Variants in GVQW3 observed in about 807,000 individuals in gnomAD.
GVQW3 encodes protein GVQW3.
A neutral mutation model predicts 12.5 loss-of-function variants in GVQW3; 7 were observed. The observed-to-expected ratio is 0.56, with a 90% CI of 0.32 to 1.05. The LOEUF is 1.05. Among genes scored for constraint, GVQW3 ranks in the 50% least tolerant of loss-of-function variants. The probability of loss-of-function intolerance (pLI) is 0.04; values close to 1 mark genes in which losing one functional copy is unlikely to be tolerated. For missense variants in GVQW3, 188 were observed against 190.8 expected (o/e 0.99, Z 0.09); for synonymous variants, 71 against 67.2 (o/e 1.06, Z -0.28).
chr11:76,399,290 T>A (rs61892857), intron 1 of GVQW3, among the ~76,000 whole-genome samples: 4,045 of 151,960 alleles, frequency 0.027, 83 homozygotes, highest in East Asian at 0.079. Flanking sequence ...CAGGCGTGCA[T>A]CACCCAATGC....
Position 76,382,179 on chromosome 11 carries a change from T to A in GVQW3, c.351T>A (p.Ile117=), listed in dbSNP as rs201664738. Residue 117 remains isoleucine, a synonymous_variant, in exon 1 of 2, where the codon ATT becomes ATA. Coordinates refer to ENST00000529331, the MANE Select transcript of GVQW3 (RefSeq NM_001347885.2). The stretch of plus-strand genomic sequence containing the variant: ...AAGAAAACTTGAACATGAGGAAGAT[T>A]TCTGCAAAAGTTATTTCGGGTGTTT... The part of the protein sequence containing the change: ...ILKENLNMRK[I]SAKVISGVLK... 8.5e-6 allele frequency: 13 copies of A among 1,536,084 alleles called. No individual in the cohort carries two copies. The highest frequency in any genetic ancestry group is 5.9e-5 in the Admixed American group (3 of 50,980).
In GVQW3 at chr11:76,403,706, C is replaced by A; in HGVS notation, c.512C>A (p.Ser171Tyr). The A allele has an allele frequency of 2.1e-6, 1 of 485,278 alleles. No individual in the cohort carries two copies. The highest frequency in any genetic ancestry group is 3.5e-5 in the South Asian group (1 of 28,364). 30.1% of individuals were successfully genotyped at this position (485,278 alleles called of 1,614,324 possible). ...MLPRLVSNSL[S>Y]QGILPPWPPK... Reference sequence around the variant, plus strand: ...CCCAGGCTGGTCTCGAACTCCTTGTCTCAAGGGATCCTCCCACCTTGGCCT... The same window carrying A: ...CCCAGGCTGGTCTCGAACTCCTTGTATCAAGGGATCCTCCCACCTTGGCCT... The change falls in exon 2 of 2, where the codon TCT becomes TAT. Residue 171 changes from serine (S) to tyrosine (Y), a missense_variant. Transcript: ENST00000529331.
At chr11:76,382,357 G>A in intron 1 of GVQW3, 64 bp downstream of exon 1, 1 of 1,054,120 alleles carries the variant, frequency 9.5e-7, no homozygotes, top group Non-Finnish European at 1.4e-6. Context: ...GCCCCTGCCG[G>A]TATCCCATCC....
chr11:76,385,263 A>G (rs1028449987), intron 1 of GVQW3, among the ~76,000 whole-genome samples: 2 of 152,182 alleles, frequency 1.3e-5, no homozygotes, highest in African/African-American at 4.8e-5. Flanking sequence ...TTCTAAACCC[A>G]AGGGTAGAGC....
At chr11:76,413,757 C>G (rs1201392914) in exon 2 of GVQW3, 2 of 152,136 alleles carry the variant, frequency 1.3e-5, no homozygotes, top group African/African-American at 2.4e-5. Context: ...TTATTATTCA[C>G]TGGGTGAATT....
chr11:76,388,682 T>C (rs1946861084), intron 1 of GVQW3, among the ~76,000 whole-genome samples: 1 of 151,964 alleles, frequency 6.6e-6, no homozygotes, highest in African/African-American at 2.4e-5. Context: ...GAAATCTAAT[T>C]ATATTACTCT....
chr11:76,382,126 G>A lies in GVQW3; in HGVS notation c.298G>A (p.Asp100Asn). ...VRMMAEELNL[D>N]KETVRLILKE... ...GATGATGGCTGAAGAGTTAAATTTA[G>A]ACAAAGAAACTGTTAGGCTCATTTT... The change falls in exon 1 of 2, where the codon GAC (aspartate) becomes AAC (asparagine). Residue 100 changes from aspartate to asparagine, a missense_variant. Transcript: ENST00000529331. 2.6e-6 allele frequency: 4 copies of A among 1,536,434 alleles called. No individual in the cohort carries two copies. The highest frequency in any genetic ancestry group is 3.5e-6 in the Non-Finnish European group (4 of 1,146,978).
At chr11:76,386,492 G>C (rs1044275825) in intron 1 of GVQW3, among the ~76,000 whole-genome samples, 1 of 152,122 alleles carries the variant, frequency 6.6e-6, no homozygotes, top group Admixed American at 6.6e-5. Flanking sequence ...GATAAATCTG[G>C]ATGCTAAATG....
At chr11:76,398,782 C>T (rs928833503) in intron 1 of GVQW3, among the ~76,000 whole-genome samples, 7 of 152,220 alleles carry the variant, frequency 4.6e-5, no homozygotes, top group East Asian at 3.9e-4. Flanking sequence ...TTCTTATAGA[C>T]GTATATCTAT....
intron 1 of GVQW3, among the ~76,000 whole-genome samples, chr11:76,393,355 C>G (rs1946910744): frequency 6.6e-6 from 1 of 152,184 alleles, no homozygotes; most frequent in African/African-American, 2.4e-5. Flanking sequence ...TTGACCCTGA[C>G]ATCCTGGCAG....
intron 1 of GVQW3, among the ~76,000 whole-genome samples, chr11:76,385,022 A>C (rs1349269179): frequency 2.6e-5 from 4 of 152,146 alleles, no homozygotes; most frequent in Admixed American, 2.6e-4. Flanking sequence ...GAGACAACTT[A>C]CTTCTGGATT....
In GVQW3 at chr11:76,381,741, T is replaced by C; in HGVS notation, c.-88T>C. On this transcript the variant is annotated 5_prime_UTR_variant, in exon 1 of 2. Transcript: ENST00000529331. Reference sequence around the variant, plus strand: ...AGAAGAGCAAGAAGAGCGATATGATTACACCTGCAGCCCTATAAAGATTGA... The same window carrying C: ...AGAAGAGCAAGAAGAGCGATATGATCACACCTGCAGCCCTATAAAGATTGA... 1 of 1,195,298 alleles carries C rather than the reference T, an allele frequency of 8.4e-7. No individual in the cohort carries two copies. Among genetic ancestry groups the C allele is most frequent in the Non-Finnish European group, 1.1e-6 (1 of 881,152 alleles). The allele number at this position is 1,195,298 out of a possible 1,614,324, so 74.0% of individuals were successfully genotyped here.
intron 1 of GVQW3, chr11:76,382,543 G>A: frequency 3.3e-6 from 2 of 603,956 alleles, no homozygotes; most frequent in Non-Finnish European, 5.9e-6. Flanking sequence ...GTATTTTTCA[G>A]TCTTCACCAC....
At position 76,404,921 on chromosome 11, in the gene GVQW3, G is replaced by A. The variant is rs1453195882; in HGVS notation, c.*1163G>A. 1 of 152,226 alleles carries A rather than the reference G, an allele frequency of 6.6e-6. No homozygotes were observed. The allele number at this position is 152,226 out of a possible 1,614,324, so 9.4% of individuals were successfully genotyped here. A position where few individuals can be genotyped will look rare whatever the true frequency, so the allele number is the denominator to read the frequency against. ...GCATTTCAAGTCTCTATAGGTTGGG[G>A]ACTTTAATGAGTGTAAATAGCTACC... On this transcript the variant is annotated 3_prime_UTR_variant, in exon 2 of 2. Coordinates refer to ENST00000529331, the MANE Select transcript of GVQW3 (RefSeq NM_001347885.2).
chr11:76,398,122 G>A (rs1383446196), intron 1 of GVQW3, among the ~76,000 whole-genome samples: 5 of 140,046 alleles, frequency 3.6e-5, no homozygotes, highest in Non-Finnish European at 7.5e-5. Context: ...GTAATAGACT[G>A]AGACTGTGTC....
intron 1 of GVQW3, among the ~76,000 whole-genome samples, chr11:76,402,717 T>C (rs867921329): frequency 7.2e-5 from 11 of 152,126 alleles, no homozygotes; most frequent in African/African-American, 2.4e-4. Context: ...TTTTTCTTAA[T>C]ATAATTTAAT....
chr11:76,385,505 G>T (rs1036873060), intron 1 of GVQW3, among the ~76,000 whole-genome samples: 1 of 152,124 alleles, frequency 6.6e-6, no homozygotes, highest in Non-Finnish European at 1.5e-5. Context: ...TTCACAGTTT[G>T]CTCTTACTCC....
At chr11:76,388,469 A>T (rs111414428) in intron 1 of GVQW3, among the ~76,000 whole-genome samples, 1 of 152,102 alleles carries the variant, frequency 6.6e-6, no homozygotes, top group Non-Finnish European at 1.5e-5. Flanking sequence ...CCATTACAAA[A>T]TTGTCTGATC....
In GVQW3 at chr11:76,407,150, G is replaced by T. The variant is rs1279976480; in HGVS notation, c.*3392G>T. 6.6e-6 allele frequency: 1 copy of T among 152,168 alleles called. No homozygotes were observed. Among genetic ancestry groups the T allele is most frequent in the Non-Finnish European group, 1.5e-5 (1 of 68,032 alleles). The allele number at this position is 152,168 out of a possible 1,614,324, so 9.4% of individuals were successfully genotyped here. On this transcript the variant is annotated 3_prime_UTR_variant, in exon 2 of 2. Transcript: ENST00000529331. ...AATTACTTAACTTGTGAGACATTAT[G>T]AAAAGGATGCTGGACTTGGTAAAGA... is the stretch of plus-strand genomic sequence containing the variant.
Sources: gnomAD v4.1 joint callset for allele counts (sites outside exome capture counted in the v4.1 genomes callset) on GRCh38, gnomAD v4.1.1 for gene constraint, MANE v1.5 for transcripts, NCBI Gene and HGNC (gene_info 2026-07-23, HGNC 2026-07-21) for gene names.